Variants in FGF12 observed in about 807,000 individuals in gnomAD.
FGF12 encodes fibroblast growth factor 12.
A neutral mutation model predicts 23.6 loss-of-function variants in FGF12; 14 were observed. The ratio of observed to expected loss-of-function variants is 0.59; its 90% CI spans 0.39 to 0.93. FGF12 has a LOEUF of 0.93. FGF12 is among the 40% of genes least tolerant of loss of function. The pLI is 0.00. For synonymous variants in FGF12, 62 were observed against 77.3 expected, an observed-to-expected ratio of 0.80 and a Z score of 1.04; for missense variants, 175 against 217.8, an observed-to-expected ratio of 0.80 and a Z score of 1.24.
At chr3:192,259,821 T>C (rs1420825186) in intron 4 of FGF12, among the ~76,000 whole-genome samples, 2 of 152,076 alleles carry the variant, frequency 1.3e-5, no homozygotes, top group African/African-American at 2.4e-5. Context: ...AAGCATAGGA[T>C]GTAGCAATGA....
chr3:192,422,032 AG>A lies in FGF12; in HGVS notation c.14-61495del, dbSNP rs1480399734. 3.8e-3 allele frequency among the ~76,000 whole-genome samples: 45 copies of A among 11,920 alleles called. 1 individual carries two copies. Among genetic ancestry groups the A allele is most frequent in the Non-Finnish European group, 5.9e-3 (37 of 6,302 alleles). The allele number at this position is 11,920 out of a possible 152,430, so 7.8% of individuals were successfully genotyped here. A position where few individuals can be genotyped will look rare whatever the true frequency, so the allele number is the denominator to read the frequency against. ...GTTGGACTTCAAAGGTTTTTGCTTT[AG>A]TTTATTTTTTTTTGGCTTTTGGTAT... On this transcript the variant is annotated intron_variant, in intron 2 of 5. Transcript: ENST00000445105.
At chr3:192,582,322 T>C (rs1386151022) in intron 2 of FGF12, among the ~76,000 whole-genome samples, 1 of 152,192 alleles carries the variant, frequency 6.6e-6, no homozygotes, top group East Asian at 1.9e-4. Flanking sequence ...TAAATATAAA[T>C]GGGAGTTGTT....
At chr3:192,583,858 T>C (rs958183535) in intron 2 of FGF12, among the ~76,000 whole-genome samples, 1 of 152,230 alleles carries the variant, frequency 6.6e-6, no homozygotes, top group African/African-American at 2.4e-5. Context: ...TTTATCTTTT[T>C]CTCTGTTAAT....
rs993627512 is a variant in FGF12, at chr3:192,655,155, C to T, written c.13+72026G>A. 7.9e-5 allele frequency among the ~76,000 whole-genome samples: 12 copies of T among 152,312 alleles called. No individual in the cohort carries two copies. The East Asian group carries it at 2.1e-3, about 27-fold the overall frequency. ...GATGACATAAATTCCACTCAAAATT[C>T]TCTGTGTGCAGAGACATCTGCTGCC... On this transcript the variant is annotated intron_variant, in intron 2 of 5. Coordinates refer to ENST00000445105, the MANE Select transcript of FGF12 (RefSeq NM_004113.6).
At chr3:192,145,035 A>G (rs576332714) in intron 5 of FGF12, among the ~76,000 whole-genome samples, 6 of 152,316 alleles carry the variant, frequency 3.9e-5, no homozygotes, top group Non-Finnish European at 4.4e-5. Flanking sequence ...CATTACAAAG[A>G]TTTGATAATT....
chr3:192,568,496 A>C (rs374112944), intron 2 of FGF12, among the ~76,000 whole-genome samples: 6 of 152,126 alleles, frequency 3.9e-5, no homozygotes, highest in African/African-American at 1.2e-4. Context: ...AAAATAAGAG[A>C]GTTAGACCAG....
intron 4 of FGF12, among the ~76,000 whole-genome samples, chr3:192,317,419 T>G (rs761781537): frequency 1.3e-5 from 2 of 151,844 alleles, no homozygotes; most frequent in Non-Finnish European, 2.9e-5. Context: ...CCTTGGACAT[T>G]GAATGAACAT....
At chr3:192,712,025 A>G (rs1388779284) in intron 2 of FGF12, among the ~76,000 whole-genome samples, 2 of 151,784 alleles carry the variant, frequency 1.3e-5, no homozygotes, top group African/African-American at 4.8e-5. Context: ...ATAAGACGGC[A>G]TAATATAAAA....
Position 192,201,691 on chromosome 3 carries a change from C to T in FGF12, c.229-31035G>A, listed in dbSNP as rs550315148. 1.6e-4 allele frequency among the ~76,000 whole-genome samples: 25 copies of T among 152,324 alleles called. No individual in the cohort carries two copies. In the East Asian group the frequency reaches 3.7e-3, roughly 22 times the overall value. Reference sequence around the variant, plus strand: ...TAGGAACTCATTAAAATCATGTTTACACTTTTACTAACTTAAAATCATATT... The same window carrying T: ...TAGGAACTCATTAAAATCATGTTTATACTTTTACTAACTTAAAATCATATT... On this transcript the variant is annotated intron_variant, in intron 4 of 5. Transcript: ENST00000445105.
intron 4 of FGF12, among the ~76,000 whole-genome samples, chr3:192,306,311 C>A (rs1039792995): frequency 1.3e-5 from 2 of 152,084 alleles, no homozygotes; most frequent in Non-Finnish European, 2.9e-5. Flanking sequence ...GCCACTAATT[C>A]CCACTACTGC....
chr3:192,613,836 T>C (rs982712675), intron 2 of FGF12, among the ~76,000 whole-genome samples: 1 of 151,908 alleles, frequency 6.6e-6, no homozygotes, highest in African/African-American at 2.4e-5. Context: ...CAAACTTTTT[T>C]TTTCAGTAAT....
intron 2 of FGF12, among the ~76,000 whole-genome samples, chr3:192,366,385 A>G (rs1447075500): frequency 6.6e-6 from 1 of 152,170 alleles, no homozygotes; most frequent in African/African-American, 2.4e-5. Context: ...TAAAATGAAA[A>G]CTATTATAAC....
At chr3:192,652,173 G>A (rs1223708696) in intron 2 of FGF12, among the ~76,000 whole-genome samples, 1 of 152,178 alleles carries the variant, frequency 6.6e-6, no homozygotes, top group East Asian at 1.9e-4. Flanking sequence ...ATGGGCACAT[G>A]TTACAAGTGG....
At chr3:192,334,897 A>G (rs1171212614) in intron 4 of FGF12, among the ~76,000 whole-genome samples, 1 of 152,182 alleles carries the variant, frequency 6.6e-6, no homozygotes, top group African/African-American at 2.4e-5. Context: ...GACATATTAG[A>G]TAAAACATAG....
rs146092563 is a variant in FGF12 at position 192,568,991 on chromosome 3, A to C, written c.13+158190T>G. ...CACTTACGTTGGTTCTCCAAAGTTG[A>C]ATAAATGTTATTAGCTGAGCAAAAC... On this transcript the variant is annotated intron_variant, in intron 2 of 5. Transcript: ENST00000445105. Among the ~76,000 whole-genome samples, 276 of 152,330 alleles carry C rather than the reference A, an allele frequency of 1.8e-3. 2 individuals are homozygous for C. Among genetic ancestry groups the C allele is most frequent in the African/African-American group, 6.0e-3 (250 of 41,582 alleles).
chr3:192,292,050 C>T (rs1714784138), intron 4 of FGF12, among the ~76,000 whole-genome samples: 1 of 152,162 alleles, frequency 6.6e-6, no homozygotes, highest in Non-Finnish European at 1.5e-5. Context: ...TGTGTTGACA[C>T]TCAACCAAAA....
chr3:192,306,781 A>G (rs76172624), intron 4 of FGF12, among the ~76,000 whole-genome samples: 5,730 of 152,254 alleles, frequency 0.038, 345 homozygotes, highest in African/African-American at 0.13. Context: ...CAGGAGAGGC[A>G]GTATAAATAA....
rs1034001288 is a variant in FGF12, at chr3:192,705,742, C to T, written c.13+21439G>A. On this transcript the variant is annotated intron_variant, in intron 2 of 5. Transcript: ENST00000445105. ...GAAAAATGGTGCCAATAGACTTGCTCAACTCTCGGTTTCCACAGAGCTTCA... is the reference window on the plus strand; with the variant it reads ...GAAAAATGGTGCCAATAGACTTGCTTAACTCTCGGTTTCCACAGAGCTTCA... Among the ~76,000 whole-genome samples, 3 of 152,270 alleles carry T rather than the reference C, an allele frequency of 2.0e-5. No homozygotes were observed. In the East Asian group the frequency reaches 5.8e-4, roughly 29 times the overall value.
At chr3:192,147,651 A>G (rs1713799582) in intron 5 of FGF12, among the ~76,000 whole-genome samples, 1 of 151,448 alleles carries the variant, frequency 6.6e-6, no homozygotes, top group African/African-American at 2.5e-5. Context: ...AGAAATTATC[A>G]CCCCCATTTT....
Sources: allele counts gnomAD v4.1 joint callset (sites outside exome capture counted in the v4.1 genomes callset), GRCh38; gene constraint gnomAD v4.1.1; transcripts MANE v1.5; gene names NCBI Gene and HGNC (gene_info 2026-07-23, HGNC 2026-07-21).